INPP4A: variants seen among roughly 807,000 people sequenced by gnomAD.
INPP4A encodes the protein inositol polyphosphate-4-phosphatase type I A, also known as inositol polyphosphate-4-phosphatase, type I, 107kD.
In INPP4A, 33 loss-of-function variants were observed where a neutral mutation model predicts 119.8. The observed-to-expected ratio is 0.28, with a 90% CI of 0.21 to 0.37. The LOEUF (loss-of-function observed/expected upper bound fraction) is 0.37, where lower values mean the gene tolerates loss of function less well. Among genes scored for constraint, INPP4A ranks in the 10% least tolerant of loss-of-function variants. The pLI, the probability that INPP4A is intolerant of heterozygous loss-of-function variation, is 1.00. For synonymous variants in INPP4A, 496 were observed against 500.7 expected (o/e 0.99, Z 0.12); for missense variants, 956 against 1,289.9 (o/e 0.74, Z 3.97).
intron 4 of INPP4A, among the ~76,000 whole-genome samples, chr2:98,524,630 A>G (rs1194154494): frequency 1.3e-5 from 2 of 152,184 alleles, no homozygotes; most frequent in Non-Finnish European, 2.9e-5. Flanking sequence ...TACCTTGCAT[A>G]GGTGTCAAGA....
chr2:98,457,709 T>A (rs1199821766), intron 1 of INPP4A, among the ~76,000 whole-genome samples: 1 of 152,246 alleles, frequency 6.6e-6, no homozygotes, highest in African/African-American at 2.4e-5. Flanking sequence ...TTAAAGCTGT[T>A]TGAGCTTGCT....
intron 24 of INPP4A, among the ~76,000 whole-genome samples, chr2:98,578,620 G>A (rs1442155928): frequency 2.0e-5 from 3 of 152,212 alleles, no homozygotes; most frequent in East Asian, 1.9e-4. Context: ...GCCCAGACCC[G>A]CAAGGGCCCC....
At chr2:98,530,237 A>G (rs1415677191) in intron 4 of INPP4A, among the ~76,000 whole-genome samples, 1 of 152,108 alleles carries the variant, frequency 6.6e-6, no homozygotes, top group Non-Finnish European at 1.5e-5. Flanking sequence ...GGTCCATGCT[A>G]CCAGAGAACT....
At chr2:98,539,877 GAC>G (rs888238621) in intron 10 of INPP4A, among the ~76,000 whole-genome samples, 6 of 152,194 alleles carry the variant, frequency 3.9e-5, no homozygotes, top group Non-Finnish European at 7.3e-5. Flanking sequence ...GATTTCATAA[GAC>G]AGTGTATTTG....
intron 13 of INPP4A, among the ~76,000 whole-genome samples, chr2:98,550,328 C>T (rs1398419478): frequency 1.3e-5 from 2 of 152,124 alleles, no homozygotes; most frequent in African/African-American, 4.8e-5. Context: ...AGAGAGGACC[C>T]AGCCTCCCAA....
chr2:98,541,222 G>A (rs1412450296), intron 10 of INPP4A, among the ~76,000 whole-genome samples: 3 of 152,002 alleles, frequency 2.0e-5, no homozygotes, highest in Non-Finnish European at 4.4e-5. Context: ...AGCTACTCGG[G>A]AGGCAGAGGC....
intron 1 of INPP4A, among the ~76,000 whole-genome samples, chr2:98,482,732 C>T (rs189724076): frequency 6.6e-6 from 1 of 152,320 alleles, no homozygotes. Flanking sequence ...ATATATGTGT[C>T]CTCTTGCATT....
At chr2:98,447,894 A>C (rs903650052) in intron 1 of INPP4A, among the ~76,000 whole-genome samples, 1 of 152,034 alleles carries the variant, frequency 6.6e-6, no homozygotes, top group African/African-American at 2.4e-5. Flanking sequence ...AAAAATACAA[A>C]AAATTAGCCG....
chr2:98,470,753 C>T (rs543665550), intron 1 of INPP4A, among the ~76,000 whole-genome samples: 8 of 152,184 alleles, frequency 5.3e-5, no homozygotes, highest in South Asian at 2.1e-4. Flanking sequence ...CTGCAAGCTC[C>T]GCCTCCCGGG....
At chr2:98,522,622 A>G (rs1180388962) in intron 4 of INPP4A, among the ~76,000 whole-genome samples, 1 of 152,148 alleles carries the variant, frequency 6.6e-6, no homozygotes, top group Non-Finnish European at 1.5e-5. Context: ...AAGAAAGAGG[A>G]AATCTCCGAG....
intron 24 of INPP4A, among the ~76,000 whole-genome samples, chr2:98,586,389 T>A (rs1011473575): frequency 8.5e-5 from 13 of 152,178 alleles, no homozygotes; most frequent in African/African-American, 1.2e-4. Context: ...TTGAATTTTT[T>A]AAAAAATCAC....
chr2:98,539,269 C>T (rs1318266643), intron 9 of INPP4A, among the ~76,000 whole-genome samples: 1 of 152,184 alleles, frequency 6.6e-6, no homozygotes, highest in African/African-American at 2.4e-5. Context: ...TGGTGACTGA[C>T]GACAGCCTCC....
chr2:98,568,977 G>A, intron 22 of INPP4A: 2 of 248,712 alleles, frequency 8.0e-6, no homozygotes, highest in East Asian at 8.7e-5. Flanking sequence ...GGACTTGGGG[G>A]AATCACAGAG....
intron 10 of INPP4A, among the ~76,000 whole-genome samples, chr2:98,541,869 C>CCCA (rs1159075712): frequency 1.1e-4 from 17 of 152,202 alleles, no homozygotes; most frequent in Non-Finnish European, 2.5e-4. Context: ...CCAGGCATGA[C>CCCA]CCACCATTCC....
chr2:98,504,449 T>A (rs901731839), intron 1 of INPP4A, among the ~76,000 whole-genome samples: 3 of 152,238 alleles, frequency 2.0e-5, no homozygotes, highest in Non-Finnish European at 4.4e-5. Flanking sequence ...ACTTTGTGTT[T>A]CCATGGGACC....
intron 1 of INPP4A, among the ~76,000 whole-genome samples, chr2:98,453,249 C>G (rs536726065): frequency 6.6e-6 from 1 of 152,336 alleles, no homozygotes; most frequent in East Asian, 1.9e-4. Flanking sequence ...GAGCTCTAAC[C>G]ACATTAGCAC....
At chr2:98,488,669 C>T (rs2105184307) in intron 1 of INPP4A, among the ~76,000 whole-genome samples, 1 of 152,260 alleles carries the variant, frequency 6.6e-6, no homozygotes, top group South Asian at 2.1e-4. Flanking sequence ...AGCAGTAAAA[C>T]CTAACCAGAG....
At chr2:98,550,480 C>G (rs1422521819) in intron 13 of INPP4A, among the ~76,000 whole-genome samples, 1 of 152,206 alleles carries the variant, frequency 6.6e-6, no homozygotes, top group African/African-American at 2.4e-5. Flanking sequence ...CCCTTACGCT[C>G]TCATGGCATC....
In INPP4A at chr2:98,539,327, A is replaced by C. The variant is rs139524167; in HGVS notation, c.671-201A>C. Among the ~76,000 whole-genome samples, 529 of 152,340 alleles carry C rather than the reference A, an allele frequency of 3.5e-3. 8 individuals carry two copies. Among genetic ancestry groups the C allele is most frequent in the African/African-American group, 0.012 (488 of 41,574 alleles). On this transcript the variant is annotated intron_variant, in intron 9 of 24. Coordinates refer to ENST00000409851, the MANE Select transcript of INPP4A (RefSeq NM_001134225.2). Reference sequence around the variant, plus strand: ...TAGAGTTAGTTACATGTTCTGGGACAGGAAGATTGCATGTTGCTGGGAAGA... The same window carrying C: ...TAGAGTTAGTTACATGTTCTGGGACCGGAAGATTGCATGTTGCTGGGAAGA...
Sources: allele counts gnomAD v4.1 joint callset (sites outside exome capture counted in the v4.1 genomes callset), GRCh38; gene constraint gnomAD v4.1.1; transcripts MANE v1.5; gene names NCBI Gene and HGNC (gene_info 2026-07-23, HGNC 2026-07-21).